The following SORCS1 variants were observed in gnomAD, a reference collection of about 807,000 sequenced individuals.
SORCS1 encodes VPS10 domain-containing receptor SorCS1.
A neutral mutation model predicts 146.1 loss-of-function variants in SORCS1; 60 were observed. The ratio of observed to expected loss-of-function variants is 0.41; its 90% CI spans 0.33 to 0.51. The LOEUF (loss-of-function observed/expected upper bound fraction) is 0.51. SORCS1 is among the 20% of genes least tolerant of loss of function. The probability of loss-of-function intolerance (pLI) is 0.21; values close to 1 mark genes in which losing one functional copy is unlikely to be tolerated. For missense variants in SORCS1, 1,352 were observed against 1,487.6 expected (o/e 0.91, Z 1.50); for synonymous variants, 637 against 584.0 (o/e 1.09, Z -1.31).
chr10:106,997,276 C>T (rs1420659603), intron 1 of SORCS1, among the ~76,000 whole-genome samples: 2 of 152,208 alleles, frequency 1.3e-5, no homozygotes, highest in Non-Finnish European at 2.9e-5. Context: ...CCCTGAGCCA[C>T]ACTCTGTGTG....
chr10:106,613,589 G>T (rs182947224), intron 21 of SORCS1, among the ~76,000 whole-genome samples: 1 of 152,138 alleles, frequency 6.6e-6, no homozygotes, highest in African/African-American at 2.4e-5. Context: ...GCCTTGGTCA[G>T]TTACACTCTC....
At chr10:107,022,624 A>G (rs1958199066) in intron 1 of SORCS1, among the ~76,000 whole-genome samples, 1 of 152,192 alleles carries the variant, frequency 6.6e-6, no homozygotes, top group Admixed American at 6.5e-5. Context: ...CACAGGTGAT[A>G]GAGCAGTACC....
chr10:107,119,389 T>A (rs192360425), intron 1 of SORCS1, among the ~76,000 whole-genome samples: 1 of 152,220 alleles, frequency 6.6e-6, no homozygotes. Context: ...ATGGTTTGTA[T>A]ATAAGGGTTG....
intron 15 of SORCS1, 90 bp downstream of exon 15, chr10:106,672,778 A>G: frequency 9.5e-7 from 1 of 1,053,802 alleles, no homozygotes; most frequent in Non-Finnish European, 1.4e-6. Context: ...GGCCTAGAGC[A>G]TCCTAGTTCC....
chr10:106,961,158 A>G (rs967566720), intron 1 of SORCS1, among the ~76,000 whole-genome samples: 2 of 152,236 alleles, frequency 1.3e-5, no homozygotes, highest in Non-Finnish European at 2.9e-5. Flanking sequence ...AAAGTCAGTG[A>G]AAAATATTCT....
intron 5 of SORCS1, among the ~76,000 whole-genome samples, chr10:106,753,465 A>G (rs1024219764): frequency 5.9e-5 from 9 of 152,188 alleles, no homozygotes; most frequent in Non-Finnish European, 1.3e-4. Context: ...AAAAACCTGA[A>G]GTTGGCTCGG....
intron 2 of SORCS1, among the ~76,000 whole-genome samples, chr10:106,903,034 C>G (rs552113098): frequency 6.6e-6 from 1 of 152,148 alleles, no homozygotes; most frequent in African/African-American, 2.4e-5. Flanking sequence ...ATGGAGATCA[C>G]GCCACTGCAC....
At chr10:106,977,214 TTTTAATAATCGCCATTCTAACTGGCATG>T (rs1956066067) in intron 1 of SORCS1, among the ~76,000 whole-genome samples, 1 of 152,200 alleles carries the variant, frequency 6.6e-6, no homozygotes, top group Admixed American at 6.5e-5. Context: ...TCTCCTGACT[TTTTAATAATCGCCATTCTAACTGGCATG>T]AGATGGTATC....
chr10:106,630,457 C>G (rs1340771959), intron 18 of SORCS1, among the ~76,000 whole-genome samples: 1 of 152,140 alleles, frequency 6.6e-6, no homozygotes, highest in Non-Finnish European at 1.5e-5. Flanking sequence ...TCCTGGTATT[C>G]TAACTCACCT....
chr10:107,071,327 GC>G (rs1157103466), intron 1 of SORCS1, among the ~76,000 whole-genome samples: 1 of 152,036 alleles, frequency 6.6e-6, no homozygotes, highest in Non-Finnish European at 1.5e-5. Flanking sequence ...CAGTGTTGAA[GC>G]TTTTACGGGC....
intron 2 of SORCS1, among the ~76,000 whole-genome samples, chr10:106,944,752 A>G (rs1162461667): frequency 6.6e-6 from 1 of 151,866 alleles, no homozygotes; most frequent in Non-Finnish European, 1.5e-5. Flanking sequence ...CAGCGAGTTT[A>G]TATTTTAATG....
intron 1 of SORCS1, among the ~76,000 whole-genome samples, chr10:106,959,132 C>A (rs996092977): frequency 6.6e-6 from 1 of 152,152 alleles, no homozygotes; most frequent in Admixed American, 6.5e-5. Context: ...TGCACAAGCA[C>A]ACAGAAATTG....
At chr10:107,046,506 C>A (rs934891285) in intron 1 of SORCS1, among the ~76,000 whole-genome samples, 4 of 151,724 alleles carry the variant, frequency 2.6e-5, no homozygotes, top group Admixed American at 6.6e-5. Context: ...GATAAAGAGA[C>A]CCCAAATGCA....
intron 1 of SORCS1, among the ~76,000 whole-genome samples, chr10:106,984,772 T>A (rs1254649816): frequency 6.6e-6 from 1 of 152,170 alleles, no homozygotes; most frequent in African/African-American, 2.4e-5. Context: ...ATTTTATCTT[T>A]ATAGACACAC....
Position 106,798,352 on chromosome 10 carries a change from A to G in SORCS1, c.727-21660T>C, listed in dbSNP as rs188146133. On this transcript the variant is annotated intron_variant, in intron 3 of 25. Coordinates refer to ENST00000263054, the MANE Select transcript of SORCS1 (RefSeq NM_052918.5). Reference sequence around the variant, plus strand: ...TGTGCACAACGTGCAGGTTTGTTACATATGTATACATGTGTCATGTTGGTG... The same window carrying G: ...TGTGCACAACGTGCAGGTTTGTTACGTATGTATACATGTGTCATGTTGGTG... 3.3e-3 allele frequency among the ~76,000 whole-genome samples: 502 copies of G among 152,268 alleles called. 1 individual carries two copies. Among genetic ancestry groups the G allele is most frequent in the East Asian group, 0.015 (76 of 5,174 alleles).
intron 1 of SORCS1, among the ~76,000 whole-genome samples, chr10:107,050,427 A>C (rs1294513445): frequency 6.6e-6 from 1 of 152,136 alleles, no homozygotes; most frequent in Admixed American, 6.6e-5. Flanking sequence ...CTGTGAGGAG[A>C]AGACTCTAAG....
intron 3 of SORCS1, among the ~76,000 whole-genome samples, chr10:106,793,572 G>A (rs1331055818): frequency 6.6e-6 from 1 of 152,104 alleles, no homozygotes; most frequent in African/African-American, 2.4e-5. Context: ...CAAGAGAATG[G>A]GGGGCAGGAA....
intron 24 of SORCS1, among the ~76,000 whole-genome samples, chr10:106,595,078 CA>C (rs1428172185): frequency 6.6e-6 from 1 of 152,202 alleles, no homozygotes; most frequent in Non-Finnish European, 1.5e-5. Context: ...GTGCTACCCC[CA>C]TTCACCAAAC....
At chr10:106,636,284 G>C in intron 18 of SORCS1, among the ~76,000 whole-genome samples, 1 of 151,950 alleles carries the variant, frequency 6.6e-6, no homozygotes, top group East Asian at 1.9e-4. Flanking sequence ...AAATAGAAAA[G>C]GAAAACAATT....
Sources: gnomAD v4.1 joint callset for allele counts (sites outside exome capture counted in the v4.1 genomes callset) on GRCh38, gnomAD v4.1.1 for gene constraint, MANE v1.5 for transcripts, NCBI Gene and HGNC (gene_info 2026-07-23, HGNC 2026-07-21) for gene names.